CLNK: variants seen among roughly 807,000 people sequenced by gnomAD.
CLNK encodes cytokine-dependent hematopoietic cell linker.
In CLNK, 74 loss-of-function variants were observed where a neutral mutation model predicts 68.6. The observed-to-expected ratio is 1.08, with a 90% CI of 0.89 to 1.31. CLNK has a LOEUF of 1.31. Ranked by LOEUF, CLNK falls within the 50% of genes most tolerant of loss-of-function variation. The probability of loss-of-function intolerance (pLI) is 0.00; values close to 1 mark genes in which losing one functional copy is unlikely to be tolerated. For synonymous variants in CLNK, 198 were observed against 172.2 expected, an observed-to-expected ratio of 1.15 and a Z score of -1.17; for missense variants, 553 against 515.3, an observed-to-expected ratio of 1.07 and a Z score of -0.71.
At chr4:10,635,324 C>A (rs898067960) in intron 2 of CLNK, among the ~76,000 whole-genome samples, 2 of 152,138 alleles carry the variant, frequency 1.3e-5, no homozygotes, top group African/African-American at 4.8e-5. Flanking sequence ...AGTGAAGTGT[C>A]AGGAGATCCT....
chr4:10,639,579 A>G (rs11938471), intron 2 of CLNK, among the ~76,000 whole-genome samples: 4,277 of 152,328 alleles, frequency 0.028, 208 homozygotes, highest in African/African-American at 0.089. Context: ...AAATAAGACC[A>G]TGAATTAGCA....
At chr4:10,598,640 A>T (rs1223333504) in intron 2 of CLNK, 1 of 438,668 alleles carries the variant, frequency 2.3e-6, no homozygotes, top group African/African-American at 2.0e-5. Flanking sequence ...TTCTATGAAG[A>T]GATTAACTTA....
intron 2 of CLNK, among the ~76,000 whole-genome samples, chr4:10,619,504 C>G (rs1722347259): frequency 6.6e-6 from 1 of 152,000 alleles, no homozygotes; most frequent in Non-Finnish European, 1.5e-5. Context: ...CTTGGCTGCT[C>G]TCTGTGTGGC....
At chr4:10,695,262 T>C in the CLNK span, among the ~76,000 whole-genome samples, 1 of 152,234 alleles carries the variant, frequency 6.6e-6, no homozygotes, top group African/African-American at 2.4e-5. Context: ...CCACAATGTA[T>C]ACATGTGCCA....
In CLNK at chr4:10,582,056, T is replaced by C. The variant is rs551050390; in HGVS notation, c.112+2871A>G. Among the ~76,000 whole-genome samples, 17 of 152,376 alleles carry C rather than the reference T, an allele frequency of 1.1e-4. No homozygotes were observed. The East Asian group carries it at 3.3e-3, about 29-fold the overall frequency. On this transcript the variant is annotated intron_variant, in intron 4 of 18. Transcript: ENST00000226951. ...TTTCAACTGTTGTGATTTTTAACTATTGTAATTGAATTTTGAAGACAATGT... is the reference window on the plus strand; with the variant it reads ...TTTCAACTGTTGTGATTTTTAACTACTGTAATTGAATTTTGAAGACAATGT...
chr4:10,542,618 C>T (rs559823181), intron 8 of CLNK, among the ~76,000 whole-genome samples: 8 of 150,930 alleles, frequency 5.3e-5, no homozygotes, highest in South Asian at 2.1e-4. Flanking sequence ...TTCCTGTTTA[C>T]GCTTAATGTG....
chr4:10,552,575 A>G (rs1719504962), intron 8 of CLNK, among the ~76,000 whole-genome samples: 1 of 152,086 alleles, frequency 6.6e-6, no homozygotes, highest in Non-Finnish European at 1.5e-5. Context: ...AGCCTCACCC[A>G]GAAGTAACTC....
chr4:10,711,703 C>T, the CLNK span, among the ~76,000 whole-genome samples: 1 of 152,182 alleles, frequency 6.6e-6, no homozygotes, highest in African/African-American at 2.4e-5. Flanking sequence ...TCCCAGAGAA[C>T]CTGGGTGACT....
At chr4:10,680,885 A>G (rs1725070940) in intron 1 of CLNK, among the ~76,000 whole-genome samples, 1 of 152,106 alleles carries the variant, frequency 6.6e-6, no homozygotes, top group South Asian at 2.1e-4. Flanking sequence ...CAGAAGTAGG[A>G]GTTTGGGATG....
intron 8 of CLNK, among the ~76,000 whole-genome samples, chr4:10,556,589 C>G (rs1655839072): frequency 6.6e-6 from 1 of 152,158 alleles, no homozygotes; most frequent in Admixed American, 6.5e-5. Flanking sequence ...CATTTCTCAT[C>G]TGATTTCTCT....
chr4:10,518,962 T>C (rs1170725492), intron 15 of CLNK, among the ~76,000 whole-genome samples: 1 of 152,196 alleles, frequency 6.6e-6, no homozygotes, highest in African/African-American at 2.4e-5. Context: ...ATCGGTTCAG[T>C]AGCTGATGGA....
At chr4:10,552,103 A>G (rs1013366206) in intron 8 of CLNK, among the ~76,000 whole-genome samples, 1 of 151,806 alleles carries the variant, frequency 6.6e-6, no homozygotes, top group Admixed American at 6.6e-5. Context: ...TGATCTGCCC[A>G]CCTCAGCCTC....
chr4:10,603,478 AG>A (rs1035631746), intron 2 of CLNK, among the ~76,000 whole-genome samples: 35 of 152,300 alleles, frequency 2.3e-4, no homozygotes, highest in African/African-American at 7.9e-4. Flanking sequence ...CCTCATGTTC[AG>A]CACATGTCCC....
intron 11 of CLNK, among the ~76,000 whole-genome samples, chr4:10,537,611 TTC>T (rs1247774247): frequency 6.9e-4 from 99 of 143,992 alleles, no homozygotes; most frequent in African/African-American, 2.5e-3. Context: ...CTTTCTCCCT[TTC>T]TCTCTCTCTT....
chr4:10,526,120 T>G (rs367648931), intron 13 of CLNK, among the ~76,000 whole-genome samples, 198 bp from the exon 14 acceptor site: 1 of 152,166 alleles, frequency 6.6e-6, no homozygotes, highest in South Asian at 2.1e-4. Context: ...TGCTCTGAGG[T>G]TATAAAAATC....
chr4:10,599,078 G>A (rs1956590276), intron 2 of CLNK, among the ~76,000 whole-genome samples: 1 of 152,214 alleles, frequency 6.6e-6, no homozygotes, highest in African/African-American at 2.4e-5. Flanking sequence ...CTCCTTCACA[G>A]CACTTGCCTG....
intron 2 of CLNK, among the ~76,000 whole-genome samples, chr4:10,617,656 T>A (rs1722288349): frequency 1.3e-5 from 2 of 152,234 alleles, no homozygotes. Flanking sequence ...CAAGCCAGAC[T>A]TTTGAAGCTT....
At chr4:10,682,309 T>C (rs371776632) in intron 1 of CLNK, among the ~76,000 whole-genome samples, 3 of 152,182 alleles carry the variant, frequency 2.0e-5, no homozygotes, top group African/African-American at 7.2e-5. Flanking sequence ...ACACTTTATG[T>C]TTCTTTGTCA....
intron 2 of CLNK, among the ~76,000 whole-genome samples, chr4:10,612,790 T>G (rs1415486553): frequency 6.6e-6 from 1 of 152,212 alleles, no homozygotes. Context: ...AAGCCAGGGT[T>G]GGAGTCAATC....
Sources: allele counts gnomAD v4.1 joint callset (sites outside exome capture counted in the v4.1 genomes callset), GRCh38; gene constraint gnomAD v4.1.1; transcripts MANE v1.5; gene names NCBI Gene and HGNC (gene_info 2026-07-23, HGNC 2026-07-21).